Variants in HYCC1 observed in about 807,000 individuals in gnomAD.
HYCC1 encodes hyccin.
chr7:22,934,236 CCT>C, the HYCC1 span: 1 of 96,460 alleles, frequency 1.0e-5, no homozygotes, highest in African/African-American at 3.9e-5. Flanking sequence ...TTTTTTTTTC[CCT>C]CTCTGAGCAA....
the HYCC1 span, among the ~76,000 whole-genome samples, chr7:22,899,895 G>T: frequency 6.6e-6 from 1 of 151,460 alleles, no homozygotes; most frequent in East Asian, 1.9e-4. Context: ...CTCCTTTACA[G>T]CAAAATAATC....
chr7:22,994,605 G>A, the HYCC1 span, among the ~76,000 whole-genome samples: 28 of 152,056 alleles, frequency 1.8e-4, no homozygotes, highest in African/African-American at 5.1e-4. Context: ...GAGATCAAAT[G>A]GGAGCCCTCA....
the HYCC1 span, among the ~76,000 whole-genome samples, chr7:22,952,542 G>C: frequency 6.6e-6 from 1 of 152,016 alleles, no homozygotes; most frequent in Non-Finnish European, 1.5e-5. Flanking sequence ...CAGTAGTCAA[G>C]AGGTCATATC....
the HYCC1 span, among the ~76,000 whole-genome samples, chr7:22,986,887 G>A: frequency 6.6e-6 from 1 of 152,126 alleles, no homozygotes; most frequent in African/African-American, 2.4e-5. Flanking sequence ...GAAGACAGAT[G>A]CCTCATACTA....
At chr7:23,008,123 C>T in the HYCC1 span, among the ~76,000 whole-genome samples, 758 of 152,102 alleles carry the variant, frequency 5.0e-3, 4 homozygotes, top group South Asian at 5.8e-3. Context: ...ATCATTCACG[C>T]GCTTTACACA....
At chr7:22,979,299 C>A in the HYCC1 span, among the ~76,000 whole-genome samples, 1 of 152,144 alleles carries the variant, frequency 6.6e-6, no homozygotes, top group Non-Finnish European at 1.5e-5. Context: ...AGTTATACTT[C>A]AATAAACACT....
the HYCC1 span, among the ~76,000 whole-genome samples, chr7:22,987,669 T>A: frequency 4.6e-5 from 7 of 152,168 alleles, no homozygotes; most frequent in African/African-American, 1.7e-4. Flanking sequence ...TGGGTGAGGT[T>A]AGGAGTTCAG....
At chr7:22,923,468 C>G in the HYCC1 span, among the ~76,000 whole-genome samples, 1 of 151,898 alleles carries the variant, frequency 6.6e-6, no homozygotes, top group African/African-American at 2.4e-5. Context: ...TATCTCAAAT[C>G]AATAACCTAA....
chr7:23,000,934 T>TA, the HYCC1 span, among the ~76,000 whole-genome samples: 2 of 146,896 alleles, frequency 1.4e-5, no homozygotes, highest in East Asian at 2.0e-4. Context: ...TTTTTTTTTT[T>TA]ATCAAAGGAC....
At chr7:22,963,866 T>C in the HYCC1 span, among the ~76,000 whole-genome samples, 1 of 152,080 alleles carries the variant, frequency 6.6e-6, no homozygotes, top group African/African-American at 2.4e-5. Flanking sequence ...CAAGTGAATA[T>C]AATGCAAAGT....
the HYCC1 span, among the ~76,000 whole-genome samples, chr7:22,964,942 T>C: frequency 1.3e-5 from 2 of 152,004 alleles, no homozygotes; most frequent in Non-Finnish European, 2.9e-5. Context: ...GAGACCAGCC[T>C]GGTCAATATG....
chr7:22,951,089 A>G, the HYCC1 span, among the ~76,000 whole-genome samples: 1 of 151,974 alleles, frequency 6.6e-6, no homozygotes, highest in African/African-American at 2.4e-5. Flanking sequence ...AGGTACTCAA[A>G]TAATTTTGCC....
chr7:22,964,834 C>A, the HYCC1 span, among the ~76,000 whole-genome samples: 1 of 152,074 alleles, frequency 6.6e-6, no homozygotes, highest in Admixed American at 6.6e-5. Context: ...GCTAAACCTA[C>A]TACATGAAAC....
chr7:22,982,845 T>TC, the HYCC1 span, among the ~76,000 whole-genome samples: 29,712 of 152,110 alleles, frequency 0.2, 3,425 homozygotes, highest in Non-Finnish European at 0.26. Flanking sequence ...AACCTAGCTT[T>TC]CTAGCTTCAG....
chr7:22,900,047 G>A, the HYCC1 span, among the ~76,000 whole-genome samples: 1 of 152,172 alleles, frequency 6.6e-6, no homozygotes, highest in East Asian at 1.9e-4. Context: ...GGCCAGTTTT[G>A]CACAGACTTT....
the HYCC1 span, among the ~76,000 whole-genome samples, chr7:22,911,990 T>C: frequency 1.5e-3 from 225 of 152,320 alleles, no homozygotes; most frequent in African/African-American, 4.7e-3. Context: ...ATTGGCTACA[T>C]AGAAGACCAC....
chr7:22,902,416 G>C, the HYCC1 span, among the ~76,000 whole-genome samples: 20 of 150,038 alleles, frequency 1.3e-4, no homozygotes, highest in Non-Finnish European at 2.5e-4. Context: ...TACAACAAAA[G>C]TCAGAAAAAT....
chr7:22,981,950 T>C, the HYCC1 span, among the ~76,000 whole-genome samples: 3 of 152,194 alleles, frequency 2.0e-5, no homozygotes, highest in African/African-American at 7.2e-5. Context: ...CTATATTCAC[T>C]AGAGTTATCT....
chr7:22,900,119 T>C, the HYCC1 span, among the ~76,000 whole-genome samples: 1 of 152,188 alleles, frequency 6.6e-6, no homozygotes, highest in East Asian at 1.9e-4. Flanking sequence ...ATAGGAGACA[T>C]GGGCAACAAA....
Sources: gnomAD v4.1 joint callset for allele counts (sites outside exome capture counted in the v4.1 genomes callset) on GRCh38, gnomAD v4.1.1 for gene constraint, MANE v1.5 for transcripts, NCBI Gene and HGNC (gene_info 2026-07-23, HGNC 2026-07-21) for gene names.